Variants in KRABD2 observed in about 807,000 individuals in gnomAD.
KRABD2 encodes the protein KRAB domain containing 2.
chr17:8,359,101 A>G, the KRABD2 span, among the ~76,000 whole-genome samples: 1 of 152,218 alleles, frequency 6.6e-6, no homozygotes, highest in African/African-American at 2.4e-5. Context: ...TTTAAAGAGT[A>G]CAGGGCAATT....
chr17:8,359,868 TC>T, the KRABD2 span: 1 of 455,790 alleles, frequency 2.2e-6, no homozygotes. Flanking sequence ...GGCCATTGCA[TC>T]AGGAGAAAGA....
the KRABD2 span, chr17:8,371,728 C>A: frequency 1.5e-6 from 2 of 1,317,636 alleles, no homozygotes; most frequent in Non-Finnish European, 1.9e-6. Context: ...CAGAATAAAG[C>A]AGAGTCCAAG....
chr17:8,369,123 C>A, the KRABD2 span: 1 of 1,602,558 alleles, frequency 6.2e-7, no homozygotes, highest in Non-Finnish European at 8.5e-7. Context: ...GTCCACCCAG[C>A]AGCCATCTGT....
the KRABD2 span, chr17:8,375,787 G>A: frequency 1.5e-6 from 1 of 668,960 alleles, no homozygotes; most frequent in Non-Finnish European, 2.0e-6. Flanking sequence ...AAAGAAATGT[G>A]ACCGTAAATC....
the KRABD2 span, among the ~76,000 whole-genome samples, chr17:8,372,811 C>T: frequency 1.3e-5 from 2 of 152,148 alleles, no homozygotes; most frequent in African/African-American, 4.8e-5. This position sits in a 1 kb window ranked among gnomAD's most constrained non-coding sequence, Gnocchi z 4.1. Flanking sequence ...TGCCTGTAAT[C>T]CTAACACTTT....
chr17:8,363,803 ATATATAT>A, the KRABD2 span, among the ~76,000 whole-genome samples: 1 of 130,106 alleles, frequency 7.7e-6, no homozygotes, highest in African/African-American at 3.4e-5. Flanking sequence ...TATCATACAT[ATATATAT>A]CATACATATA....
At chr17:8,374,179 T>G in the KRABD2 span, among the ~76,000 whole-genome samples, 1 of 151,948 alleles carries the variant, frequency 6.6e-6, no homozygotes, top group Non-Finnish European at 1.5e-5. Context: ...TTGTGTCGAA[T>G]AGAAAAGGGG....
At chr17:8,369,313 G>A in the KRABD2 span, 4 of 1,614,212 alleles carry the variant, frequency 2.5e-6, no homozygotes, top group East Asian at 6.7e-5. Flanking sequence ...TCTTCCGTTT[G>A]TAAAGTAGCC....
chr17:8,369,760 G>A, the KRABD2 span: 3 of 1,614,166 alleles, frequency 1.9e-6, no homozygotes, highest in Non-Finnish European at 1.7e-6. Context: ...GAGTGATCCT[G>A]GTAGTATAAA....
At chr17:8,371,747 G>A in the KRABD2 span, 1 of 1,288,398 alleles carries the variant, frequency 7.8e-7, no homozygotes, top group Admixed American at 3.5e-5. Context: ...AGTGAACTTG[G>A]GCGCAGGCTT....
chr17:8,373,300 G>C, the KRABD2 span, among the ~76,000 whole-genome samples: 3 of 152,318 alleles, frequency 2.0e-5, no homozygotes, highest in African/African-American at 4.8e-5. Flanking sequence ...TCAGCCTGCC[G>C]AGTGCCTGGG....
the KRABD2 span, chr17:8,370,432 C>T: frequency 3.7e-5 from 47 of 1,257,850 alleles, no homozygotes; most frequent in African/African-American, 6.6e-4. Flanking sequence ...ACTGACACTC[C>T]CACCTGGAAG....
chr17:8,364,411 G>C, the KRABD2 span, among the ~76,000 whole-genome samples: 1 of 152,040 alleles, frequency 6.6e-6, no homozygotes, highest in Non-Finnish European at 1.5e-5. This position sits in a 1 kb window ranked among gnomAD's most constrained non-coding sequence, Gnocchi z 4.4. Context: ...GCAGTGTGGT[G>C]ATACGATCAT....
At chr17:8,374,473 G>A in the KRABD2 span, among the ~76,000 whole-genome samples, 3 of 151,764 alleles carry the variant, frequency 2.0e-5, no homozygotes, top group Non-Finnish European at 2.9e-5. Flanking sequence ...AAGTACCCAG[G>A]GACACAAACA....
chr17:8,376,686 G>A, the KRABD2 span: 631 of 983,912 alleles, frequency 6.4e-4, no homozygotes, highest in Non-Finnish European at 6.9e-4. Context: ...CCACCCAGAG[G>A]CCCCCGAGCA....
At chr17:8,368,280 A>G in the KRABD2 span, among the ~76,000 whole-genome samples, 2 of 152,202 alleles carry the variant, frequency 1.3e-5, no homozygotes, top group African/African-American at 4.8e-5. Flanking sequence ...TACAAGAGAC[A>G]GGAAAGAATA....
chr17:8,369,220 A>T, the KRABD2 span: 12 of 1,614,050 alleles, frequency 7.4e-6, no homozygotes, highest in African/African-American at 1.6e-4. Flanking sequence ...TCCATATCAG[A>T]TCTGTCTGCT....
chr17:8,364,990 C>T, the KRABD2 span, among the ~76,000 whole-genome samples: 1 of 151,762 alleles, frequency 6.6e-6, no homozygotes, highest in African/African-American at 2.4e-5. This position sits in a 1 kb window ranked among gnomAD's most constrained non-coding sequence, Gnocchi z 4.4. Context: ...GCCGAGATCA[C>T]GCCATTGCAC....
chr17:8,376,499 G>GT, the KRABD2 span: 2 of 1,000,556 alleles, frequency 2.0e-6, no homozygotes, highest in Non-Finnish European at 2.4e-6. Flanking sequence ...CGCCTCCTTT[G>GT]TGTAGCCTTC....
Sources: gnomAD v4.1 joint callset for allele counts (sites outside exome capture counted in the v4.1 genomes callset) on GRCh38, gnomAD v4.1.1 for gene constraint, Gnocchi (gnomAD v3.1) non-coding constraint, MANE v1.5 for transcripts, NCBI Gene and HGNC (gene_info 2026-07-23, HGNC 2026-07-21) for gene names.